Variants in FOSB observed in about 807,000 individuals in gnomAD.
The protein encoded by FOSB is protein FosB.
In FOSB, 8 loss-of-function variants were observed where a neutral mutation model predicts 31.1. The observed-to-expected ratio is 0.26, with a 90% CI of 0.15 to 0.46. FOSB has a LOEUF of 0.46. Among genes scored for constraint, FOSB ranks in the 20% least tolerant of loss-of-function variants. The pLI is 0.99. For missense variants in FOSB, 376 were observed against 460.6 expected, an observed-to-expected ratio of 0.82 and a Z score of 1.68; for synonymous variants, 214 against 206.1, an observed-to-expected ratio of 1.04 and a Z score of -0.33.
chr19:45,469,977 C>T (rs1240708655), intron 1 of FOSB: 2 of 152,410 alleles, frequency 1.3e-5, no homozygotes, highest in Admixed American at 6.5e-5. Context: ...CACCATTCCC[C>T]CTCCGCGACA....
chr19:45,473,190 G>A lies in FOSB; in HGVS notation c.*178G>A, dbSNP rs1967744184. On this transcript the variant is annotated 3_prime_UTR_variant, in exon 4 of 4. Transcript: ENST00000353609. Reference sequence around the variant, plus strand: ...CTGCCATCGGACAGGAGGATTCCTTGTGTTTTGTCCTGCCTCTTGTTTCTG... The same window carrying A: ...CTGCCATCGGACAGGAGGATTCCTTATGTTTTGTCCTGCCTCTTGTTTCTG... 3 of 625,632 alleles carry A rather than the reference G, an allele frequency of 4.8e-6. No individual in the cohort carries two copies. Among genetic ancestry groups the A allele is most frequent in the Non-Finnish European group, 5.5e-6 (2 of 360,910 alleles). The allele number at this position is 625,632 out of a possible 1,614,324, so 38.8% of individuals were successfully genotyped here.
rs1281518240 is a variant in FOSB, at chr19:45,468,626, C to T, written c.40C>T (p.Arg14Trp). The T allele has an allele frequency of 4.3e-6, 7 of 1,613,530 alleles. No individual in the cohort carries two copies. Among genetic ancestry groups the T allele is most frequent in the Non-Finnish European group, 5.1e-6 (6 of 1,179,864 alleles). Reference protein sequence around the residue: ...AFPGDYDSGSRCSSSPSAESQ... With the variant: ...AFPGDYDSGSWCSSSPSAESQ... ...CCCCGGAGACTACGACTCCGGCTCC[C>T]GGTGCAGCTCCTCACCCTCTGCCGA... The change falls in exon 1 of 4, where the codon CGG becomes TGG. Residue 14 changes from arginine (R) to tryptophan (W), a missense_variant. By Grantham distance (101) the Arg-to-Trp change is moderately radical (BLOSUM62 -3). Around this residue, in one of 3 missense-constraint regions of FOSB, gnomAD observed 193 missense variants for 207.1 expected, o/e 0.93. Coordinates refer to ENST00000353609, the MANE Select transcript of FOSB (RefSeq NM_006732.3). This position sits in a 1 kb window ranked among gnomAD's most constrained non-coding sequence, Gnocchi z 4.8.
At chr19:45,469,115 C>T (rs1027458418) in intron 1 of FOSB, among the ~76,000 whole-genome samples, 28 of 152,254 alleles carry the variant, frequency 1.8e-4, no homozygotes, top group African/African-American at 6.7e-4. Context: ...CTTTTCCTTT[C>T]CTCCTCCTTC....
chr19:45,472,055 A>T lies in FOSB; in HGVS notation c.556-496A>T, dbSNP rs1265600279. 6.6e-6 allele frequency: 1 copy of T among 152,152 alleles called. No homozygotes were observed. The highest frequency in any genetic ancestry group is 1.5e-5 in the Non-Finnish European group (1 of 68,288). The allele number at this position is 152,152 out of a possible 1,614,324, so 9.4% of individuals were successfully genotyped here. A position where few individuals can be genotyped will look rare whatever the true frequency, so the allele number is the denominator to read the frequency against. On this transcript the variant is annotated intron_variant, in intron 3 of 3. Transcript: ENST00000353609. This position sits in a 1 kb window ranked among gnomAD's most constrained non-coding sequence, Gnocchi z 5.4. ...GACCAGCCTGGGAAACATAGGGAGG[A>T]CTTGTCTCTACCAAGAAAAAAAAAA...
At chr19:45,471,584 G>A (rs1304071653) in intron 3 of FOSB, 5 of 312,706 alleles carry the variant, frequency 1.6e-5, no homozygotes, top group Admixed American at 8.2e-5. Context: ...GGAGAGGGGC[G>A]CCCCCATCAT....
At position 45,470,964 on chromosome 19, in the gene FOSB, T is replaced by C; in HGVS notation, c.447+15T>C. 2 of 1,608,658 alleles carry C rather than the reference T, an allele frequency of 1.2e-6. No homozygotes were observed. Among genetic ancestry groups the C allele is most frequent in the Middle Eastern group, 1.6e-4 (1 of 6,062 alleles). ...GAGAGGAGACGGTGAGTAAGGGACA[T>C]CAGAACTTGGCCTGGGTAGGGGGAA... On this transcript the variant is annotated intron_variant, in intron 2 of 3. Coordinates refer to ENST00000353609, the MANE Select transcript of FOSB (RefSeq NM_006732.3).
chr19:45,470,207 A>C, intron 1 of FOSB: 1 of 203,030 alleles, frequency 4.9e-6, no homozygotes, highest in Non-Finnish European at 1.0e-5. Flanking sequence ...GGCTTGGCCT[A>C]AGGCCTCTCC....
Position 45,468,838 on chromosome 19 carries a change from A to C in FOSB, c.126+126A>C, listed in dbSNP as rs1568612107. The stretch of plus-strand genomic sequence containing the variant: ...CCTAGATCTGAGATGGAAAAGGCTC[A>C]CAGCGCACTTTGCAAACTGCAAAGA... On this transcript the variant is annotated intron_variant, in intron 1 of 3. Coordinates refer to ENST00000353609, the MANE Select transcript of FOSB (RefSeq NM_006732.3). This position sits in a 1 kb window ranked among gnomAD's most constrained non-coding sequence, Gnocchi z 4.8. The C allele has an allele frequency of 8.2e-6, 9 of 1,091,208 alleles. No homozygotes were observed. Among genetic ancestry groups the C allele is most frequent in the Non-Finnish European group, 8.9e-6 (7 of 782,918 alleles). The allele number at this position is 1,091,208 out of a possible 1,614,324, so 67.6% of individuals were successfully genotyped here.
In FOSB at chr19:45,470,861, G is replaced by A. The variant is rs747640609; in HGVS notation, c.359G>A (p.Ser120Asn). ...SGYSSGGASG[S>N]GGPSTSGTTS... ...TACAGCAGTGGCGGAGCGAGTGGCAGTGGTGGGCCTTCCACCAGCGGAACT... is the reference window on the plus strand; with the variant it reads ...TACAGCAGTGGCGGAGCGAGTGGCAATGGTGGGCCTTCCACCAGCGGAACT... The change falls in exon 2 of 4, where the codon AGT becomes AAT. Residue 120 changes from serine to asparagine, a missense_variant. This residue lies in a region of FOSB where 193 missense variants were observed against 207.1 expected (regional missense o/e 0.93). Coordinates refer to ENST00000353609, the MANE Select transcript of FOSB (RefSeq NM_006732.3). 6.2e-7 allele frequency: 1 copy of A among 1,614,078 alleles called. No homozygotes were observed. Among genetic ancestry groups the A allele is most frequent in the Non-Finnish European group, 8.5e-7 (1 of 1,180,024 alleles).
chr19:45,472,487 G>T lies in FOSB; in HGVS notation c.556-64G>T, dbSNP rs1407728591. 39 of 1,345,402 alleles carry T rather than the reference G, an allele frequency of 2.9e-5. No individual in the cohort carries two copies. Among genetic ancestry groups the T allele is most frequent in the Non-Finnish European group, 3.7e-5 (37 of 1,011,714 alleles). The allele number at this position is 1,345,402 out of a possible 1,614,324, so 83.3% of individuals were successfully genotyped here. On this transcript the variant is annotated intron_variant, in intron 3 of 3. Coordinates refer to ENST00000353609, the MANE Select transcript of FOSB (RefSeq NM_006732.3). This position sits in a 1 kb window ranked among gnomAD's most constrained non-coding sequence, Gnocchi z 5.4. Reference sequence around the variant, plus strand: ...AAGGGAGCCATGACCCGAGTTTCCCGGTCACTGACATGCTTTTTTCTCCTT... The same window carrying T: ...AAGGGAGCCATGACCCGAGTTTCCCTGTCACTGACATGCTTTTTTCTCCTT...
rs745855821 is a variant in FOSB, at chr19:45,470,838, C to T, written c.336C>T (p.Tyr112=). The part of the protein sequence containing the change: ...TSYSTPGMSG[Y]SSGGASGSGG... Reference sequence around the variant, plus strand: ...ACTCCACACCAGGCATGAGTGGCTACAGCAGTGGCGGAGCGAGTGGCAGTG... The same window carrying T: ...ACTCCACACCAGGCATGAGTGGCTATAGCAGTGGCGGAGCGAGTGGCAGTG... The change falls in exon 2 of 4, where the codon TAC becomes TAT. Residue 112 remains tyrosine (Y), a synonymous_variant. Coordinates refer to ENST00000353609, the MANE Select transcript of FOSB (RefSeq NM_006732.3). 3 of 1,613,976 alleles carry T rather than the reference C, an allele frequency of 1.9e-6. No individual in the cohort carries two copies. Among genetic ancestry groups the T allele is most frequent in the Non-Finnish European group, 1.7e-6 (2 of 1,180,014 alleles).
intron 3 of FOSB, 180 bp downstream of exon 3, chr19:45,471,481 T>C (rs189125753): frequency 4.1e-6 from 2 of 492,042 alleles, no homozygotes; most frequent in Admixed American, 3.2e-5. Context: ...CCCATGGACT[T>C]AAGTCAACTC....
intron 2 of FOSB, 37 bp from the exon 3 acceptor site, chr19:45,471,157 A>G (rs1302741517): frequency 6.6e-7 from 1 of 1,519,892 alleles, no homozygotes; most frequent in Non-Finnish European, 8.9e-7. Flanking sequence ...GGAGTGCTGT[A>G]TCCCCAAATC....
At position 45,468,411 on chromosome 19, in the gene FOSB, C is replaced by A. The variant is rs1476410543; in HGVS notation, c.-176C>A. 2 of 670,060 alleles carry A rather than the reference C, an allele frequency of 3.0e-6. No individual in the cohort carries two copies. Among genetic ancestry groups the A allele is most frequent in the East Asian group, 5.4e-5 (2 of 36,980 alleles). The allele number at this position is 670,060 out of a possible 1,614,324, so 41.5% of individuals were successfully genotyped here. Reference sequence around the variant, plus strand: ...CACAGAAACTTTGCCATTGTTGGAACGGGACGTTGCTCCTTCCCCGAGCTT... The same window carrying A: ...CACAGAAACTTTGCCATTGTTGGAAAGGGACGTTGCTCCTTCCCCGAGCTT... On this transcript the variant is annotated 5_prime_UTR_variant, in exon 1 of 4. Transcript: ENST00000353609. This position sits in a 1 kb window ranked among gnomAD's most constrained non-coding sequence, Gnocchi z 4.8.
Position 45,472,691 on chromosome 19 carries a change from G to A in FOSB, c.696G>A (p.Pro232=), listed in dbSNP as rs1449858622. Residue 232 remains proline, a synonymous_variant, in exon 4 of 4, where the codon CCG becomes CCA. Coordinates refer to ENST00000353609, the MANE Select transcript of FOSB (RefSeq NM_006732.3). This position sits in a 1 kb window ranked among gnomAD's most constrained non-coding sequence, Gnocchi z 5.4. The part of the protein sequence containing the change: ...CKIPYEEGPG[P]GPLAEVRDLP... ...TCCCCTACGAAGAGGGGCCCGGGCC[G>A]GGCCCGCTGGCGGAGGTGAGAGATT... 1.9e-6 allele frequency: 3 copies of A among 1,608,212 alleles called. No individual in the cohort carries two copies. The highest frequency in any genetic ancestry group is 1.7e-6 in the Non-Finnish European group (2 of 1,177,102).
intron 3 of FOSB, 160 bp downstream of exon 3, chr19:45,471,461 A>C: frequency 1.8e-6 from 1 of 565,032 alleles, no homozygotes; most frequent in Non-Finnish European, 3.2e-6. Flanking sequence ...CCAGGGCACA[A>C]ACACAGACCC....
chr19:45,470,287 C>T lies in FOSB; in HGVS notation c.127-342C>T, dbSNP rs561392151. ...TGTGTGTGTGGCTGTGGCTCCGTCC[C>T]GGGGGTTCTGTCACCCGGCTGTGTC... On this transcript the variant is annotated intron_variant, in intron 1 of 3. Transcript: ENST00000353609. 1.6e-5 allele frequency: 5 copies of T among 316,650 alleles called. No homozygotes were observed. The Admixed American group carries it at 1.8e-4, about 12-fold the overall frequency. The allele number at this position is 316,650 out of a possible 1,614,324, so 19.6% of individuals were successfully genotyped here.
At chr19:45,470,459 G>A (rs547507053) in intron 1 of FOSB, 170 bp from the exon 2 acceptor site, 4 of 651,342 alleles carry the variant, frequency 6.1e-6, no homozygotes, top group South Asian at 3.8e-5. Context: ...ACTGCGTCAC[G>A]GTGTAGTGGA....
chr19:45,471,446 G>C (rs1002833692), intron 3 of FOSB, 145 bp downstream of exon 3: 5 of 614,816 alleles, frequency 8.1e-6, no homozygotes, highest in African/African-American at 3.7e-5. Context: ...GCCAGACTGG[G>C]TAGCCCAGGG....
Sources: allele counts gnomAD v4.1 joint callset (sites outside exome capture counted in the v4.1 genomes callset), GRCh38; gene constraint gnomAD v4.1.1; regional missense constraint gnomAD v4.1.1; non-coding constraint Gnocchi (gnomAD v3.1); transcripts MANE v1.5; gene names NCBI Gene and HGNC (gene_info 2026-07-23, HGNC 2026-07-21).